Variants in USH2A observed in about 807,000 individuals in gnomAD.
USH2A encodes usherin.
In USH2A, 443 loss-of-function variants were observed where a neutral mutation model predicts 538.9. The observed-to-expected ratio is 0.82, with a 90% CI of 0.76 to 0.89. The LOEUF (loss-of-function observed/expected upper bound fraction) is 0.89. USH2A is among the 40% of genes least tolerant of loss of function. The probability of loss-of-function intolerance (pLI) is 0.00; values close to 1 mark genes in which losing one functional copy is unlikely to be tolerated. For synonymous variants in USH2A, 2,413 were observed against 2,273.5 expected, an observed-to-expected ratio of 1.06 and a Z score of -1.75; for missense variants, 6,633 against 6,324.8, an observed-to-expected ratio of 1.05 and a Z score of -1.65.
At chr1:215,698,037 C>T (rs976914352) in intron 61 of USH2A, among the ~76,000 whole-genome samples, 1 of 152,104 alleles carries the variant, frequency 6.6e-6, no homozygotes, top group Non-Finnish European at 1.5e-5. Flanking sequence ...CCCATATGTT[C>T]TCATTGTTCA....
intron 3 of USH2A, among the ~76,000 whole-genome samples, chr1:216,385,514 GT>G (rs1337911195): frequency 2.0e-5 from 3 of 152,134 alleles, no homozygotes; most frequent in Non-Finnish European, 4.4e-5. Context: ...ACAACAAAGG[GT>G]GACAGAATTA....
chr1:216,212,085 G>A (rs1195054494), intron 15 of USH2A, among the ~76,000 whole-genome samples: 1 of 151,986 alleles, frequency 6.6e-6, no homozygotes, highest in African/African-American at 2.4e-5. Flanking sequence ...AATGCTTTGG[G>A]GATGAATGAA....
At chr1:215,854,146 G>C (rs748537796) in intron 44 of USH2A, among the ~76,000 whole-genome samples, 6 of 152,152 alleles carry the variant, frequency 3.9e-5, no homozygotes, top group Non-Finnish European at 8.8e-5. Context: ...GGCTTGGGAG[G>C]CCTCACAATC....
chr1:215,739,130 G>T (rs1206402672), intron 60 of USH2A, among the ~76,000 whole-genome samples: 2 of 152,124 alleles, frequency 1.3e-5, no homozygotes, highest in Non-Finnish European at 1.5e-5. Flanking sequence ...AAAACAAAAT[G>T]TATCTATGTC....
intron 14 of USH2A, among the ~76,000 whole-genome samples, chr1:216,222,316 T>C (rs757604092): frequency 2.6e-5 from 4 of 152,190 alleles, no homozygotes; most frequent in African/African-American, 7.2e-5. Flanking sequence ...ACAGAAAATA[T>C]GTAAAGAATT....
chr1:215,691,703 G>A (rs1046276333), intron 61 of USH2A, among the ~76,000 whole-genome samples: 10 of 152,144 alleles, frequency 6.6e-5, no homozygotes, highest in East Asian at 5.8e-4. Context: ...ACTCCACAGA[G>A]TCAAAGGCCT....
intron 40 of USH2A, among the ~76,000 whole-genome samples, chr1:215,896,380 A>G (rs929233144): frequency 6.6e-6 from 1 of 151,976 alleles, no homozygotes; most frequent in Non-Finnish European, 1.5e-5. Context: ...TTGCTTGTGT[A>G]TGCCATATAT....
chr1:215,759,663 C>G lies in USH2A; in HGVS notation c.11228G>C (p.Ser3743Thr). Reference sequence around the variant, plus strand: ...GTAAAGTTTTCTTTTAGTTTACCTGCTATTGGGCTCCAGGTTTTTATCAGT... The same window carrying G: ...GTAAAGTTTTCTTTTAGTTTACCTGGTATTGGGCTCCAGGTTTTTATCAGT... ...NFTDKNLEPN[S>T]RYTYKLEVKT... Residue 3743 changes from serine (S) to threonine (T), a missense_variant, in exon 57 of 72, where the codon AGC (serine) becomes ACC (threonine). Coordinates refer to ENST00000307340, the MANE Select transcript of USH2A (RefSeq NM_206933.4). 1 of 1,613,870 alleles carries G rather than the reference C, an allele frequency of 6.2e-7. No homozygotes were observed. The highest frequency in any genetic ancestry group is 8.5e-7 in the Non-Finnish European group (1 of 1,179,812).
intron 50 of USH2A, among the ~76,000 whole-genome samples, chr1:215,798,678 A>G (rs917655571): frequency 6.6e-6 from 1 of 152,146 alleles, no homozygotes; most frequent in Non-Finnish European, 1.5e-5. Context: ...GGAGGACATG[A>G]CCTTTTCAAG....
chr1:215,817,687 CT>C (rs1662897734), intron 47 of USH2A, among the ~76,000 whole-genome samples: 1 of 151,980 alleles, frequency 6.6e-6, no homozygotes, highest in Non-Finnish European at 1.5e-5. Context: ...CCACCTTCTC[CT>C]TTTCTCTTTC....
At chr1:215,772,495 A>C (rs531925290) in intron 55 of USH2A, among the ~76,000 whole-genome samples, 6 of 152,222 alleles carry the variant, frequency 3.9e-5, no homozygotes, top group Non-Finnish European at 7.3e-5. Flanking sequence ...AAAGAAGCAT[A>C]ATATAACCAA....
chr1:216,081,179 A>G (rs2031930530), intron 26 of USH2A, among the ~76,000 whole-genome samples: 1 of 152,118 alleles, frequency 6.6e-6, no homozygotes, highest in African/African-American at 2.4e-5. Context: ...ACACAAGATC[A>G]GGGTATTGGT....
At chr1:215,888,353 C>T in intron 41 of USH2A, 73 bp downstream of exon 41, 1 of 1,602,158 alleles carries the variant, frequency 6.2e-7, no homozygotes, top group Middle Eastern at 2.3e-4. Context: ...CAGTAGATGG[C>T]TCTGTTCAAC....
rs1372329155 is a variant in USH2A at position 215,817,079 on chromosome 1, T to C, written c.9488A>G (p.Gln3163Arg). 1 of 1,612,906 alleles carries C rather than the reference T, an allele frequency of 6.2e-7. No individual in the cohort carries two copies. Among genetic ancestry groups the C allele is most frequent in the East Asian group, 2.2e-5 (1 of 44,838 alleles). ...CAKTQKLVQD[Q>R]SDELCKAVRC... ...CACTGCCTTGCAGAGCTCATCACTC[T>C]GATCCTGCACTAACTTTTGAGTTTT... is the stretch of plus-strand genomic sequence containing the variant. Residue 3163 changes from glutamine to arginine, a missense_variant, in exon 48 of 72, where the codon CAG becomes CGG. Coordinates refer to ENST00000307340, the MANE Select transcript of USH2A (RefSeq NM_206933.4).
At chr1:216,071,179 C>T (rs891717715) in intron 29 of USH2A, among the ~76,000 whole-genome samples, 9 of 152,106 alleles carry the variant, frequency 5.9e-5, no homozygotes, top group Non-Finnish European at 8.8e-5. Context: ...TGAGCCCTGT[C>T]GATGGAGGAT....
At chr1:215,982,491 G>A (rs564398813) in intron 35 of USH2A, among the ~76,000 whole-genome samples, 42 of 152,166 alleles carry the variant, frequency 2.8e-4, no homozygotes, top group Non-Finnish European at 5.7e-4. Flanking sequence ...TTCCTCCGTG[G>A]CACACTATCT....
rs2034854003 is a variant in USH2A at position 216,196,704 on chromosome 1, G to T, written c.4100C>A (p.Pro1367His). 2 of 1,613,070 alleles carry T rather than the reference G, an allele frequency of 1.2e-6. No homozygotes were observed. Residue 1367 changes from proline (P) to histidine (H), a missense_variant, in exon 19 of 72, where the codon CCT (proline) becomes CAT (histidine). Physicochemically the swap from Pro to His is moderately conservative, Grantham distance 77. Transcript: ENST00000307340. ...TGESAPVFMI[P>H]PSVFPLSSYS... ...CGAAGAGAGGGGAAAGACTGAAGGA[G>T]GGATCATGAATACAGGTGCTATCAA... is the stretch of plus-strand genomic sequence containing the variant.
rs145546092 is a variant in USH2A at position 215,826,953 on chromosome 1, C to T, written c.9372-9758G>A. ...TAAAAATACTTCAAAGATATATGTC[C>T]TCGATAATATGCAGGATGGTGGTAC... On this transcript the variant is annotated intron_variant, in intron 47 of 71. Transcript: ENST00000307340. 1.1e-3 allele frequency among the ~76,000 whole-genome samples: 173 copies of T among 152,100 alleles called. No individual in the cohort carries two copies. In the Middle Eastern group the frequency reaches 0.02, roughly 18 times the overall value.
rs151239696 is a variant in USH2A, at chr1:216,043,863, C to T, written c.6325+2568G>A. On this transcript the variant is annotated intron_variant, in intron 32 of 71. Coordinates refer to ENST00000307340, the MANE Select transcript of USH2A (RefSeq NM_206933.4). ...TGGACTGATGCAGCTTTCGTTTAGG[C>T]GCATGGAAGGGGTCTTAGTTTCTCT... is the stretch of plus-strand genomic sequence containing the variant. 1.1e-4 allele frequency among the ~76,000 whole-genome samples: 17 copies of T among 152,136 alleles called. 1 individual carries two copies. The highest frequency in any genetic ancestry group is 2.4e-4 in the African/African-American group (10 of 41,522).
Sources: allele counts gnomAD v4.1 joint callset (sites outside exome capture counted in the v4.1 genomes callset), GRCh38; gene constraint gnomAD v4.1.1; transcripts MANE v1.5; gene names NCBI Gene and HGNC (gene_info 2026-07-23, HGNC 2026-07-21).